ZNF469: variants seen among roughly 807,000 people sequenced by gnomAD.
ZNF469 encodes the protein zinc finger protein 469.
In ZNF469, 1 loss-of-function variant was observed where a neutral mutation model predicts 1.0. The ratio of observed to expected loss-of-function variants is 1.00; its 90% CI spans 0.35 to 4.73. The LOEUF (loss-of-function observed/expected upper bound fraction) is 4.73. Among genes scored for constraint, ZNF469 ranks in the 30% most tolerant of loss-of-function variants. ZNF469 has a pLI of 0.16. For missense variants in ZNF469, 6,100 were observed against 5,356.3 expected (o/e 1.14, Z -4.33); for synonymous variants, 2,703 against 2,363.4 (o/e 1.14, Z -4.17).
chr16:88,389,146 C>A (rs1904415104), intron 1 of ZNF469, among the ~76,000 whole-genome samples: 1 of 152,202 alleles, frequency 6.6e-6, no homozygotes, highest in African/African-American at 2.4e-5. Flanking sequence ...CCAAAAAAAA[C>A]CCTGTGCCCA....
the ZNF469 span, among the ~76,000 whole-genome samples, chr16:88,127,107 G>A: frequency 6.6e-6 from 1 of 152,174 alleles, no homozygotes; most frequent in Non-Finnish European, 1.5e-5. Flanking sequence ...ACAGGTGTGA[G>A]CCACCACGCC....
the ZNF469 span, among the ~76,000 whole-genome samples, chr16:88,281,385 C>T: frequency 2.1e-5 from 3 of 145,966 alleles, no homozygotes; most frequent in Non-Finnish European, 4.5e-5. Context: ...ATGTAGATAT[C>T]AGTGCATGGG....
intron 1 of ZNF469, among the ~76,000 whole-genome samples, chr16:88,383,605 G>C (rs991280317): frequency 6.6e-6 from 1 of 150,440 alleles, no homozygotes; most frequent in African/African-American, 2.4e-5. Flanking sequence ...CGAGGGGCTC[G>C]GGGAGCGGGA....
At chr16:88,372,602 C>T in the ZNF469 span, among the ~76,000 whole-genome samples, 2 of 151,634 alleles carry the variant, frequency 1.3e-5, no homozygotes, top group East Asian at 1.9e-4. Flanking sequence ...TCATTACCAC[C>T]GTCATCATGA....
chr16:88,220,691 T>G, the ZNF469 span, among the ~76,000 whole-genome samples: 1 of 152,106 alleles, frequency 6.6e-6, no homozygotes, highest in African/African-American at 2.4e-5. Context: ...CATGTCACTT[T>G]AAGTAGCAGA....
the ZNF469 span, among the ~76,000 whole-genome samples, chr16:88,293,991 G>C: frequency 6.6e-6 from 1 of 152,254 alleles, no homozygotes; most frequent in Non-Finnish European, 1.5e-5. Context: ...ATAAGCATCT[G>C]TGTGCTCTCT....
At chr16:88,384,369 C>T (rs1266355518) in intron 1 of ZNF469, among the ~76,000 whole-genome samples, 2 of 152,238 alleles carry the variant, frequency 1.3e-5, no homozygotes, top group African/African-American at 2.4e-5. Flanking sequence ...GCCCCCAGCA[C>T]AGCCCACAGC....
At chr16:88,318,246 G>C in the ZNF469 span, among the ~76,000 whole-genome samples, 4 of 152,346 alleles carry the variant, frequency 2.6e-5, no homozygotes, top group African/African-American at 9.6e-5. Flanking sequence ...GGCTGTGGCT[G>C]TGGGTATACC....
chr16:88,430,670 G>A lies in ZNF469; in HGVS notation c.3200G>A (p.Arg1067Gln). 2 of 1,494,704 alleles carry A rather than the reference G, an allele frequency of 1.3e-6. No individual in the cohort carries two copies. Among genetic ancestry groups the A allele is most frequent in the Admixed American group, 2.2e-5 (1 of 45,930 alleles). 92.6% of individuals were successfully genotyped at this position (1,494,704 alleles called of 1,614,324 possible). A position where few individuals can be genotyped will look rare whatever the true frequency, so the allele number is the denominator to read the frequency against. Residue 1067 changes from arginine (R) to glutamine (Q), a missense_variant, in exon 3 of 3, where the codon CGG becomes CAG. Arg to Gln is a conservative substitution (Grantham distance 43). Transcript: ENST00000565624. ...QKNRRHRRLG[R>Q]RAGRCGSLAA... ...AACAGGCGCCACCGGCGGCTGGGGCGGCGGGCGGGCAGGTGCGGCTCCCTG... is the reference window on the plus strand; with the variant it reads ...AACAGGCGCCACCGGCGGCTGGGGCAGCGGGCGGGCAGGTGCGGCTCCCTG...
the ZNF469 span, among the ~76,000 whole-genome samples, chr16:88,162,758 T>C: frequency 6.6e-6 from 1 of 152,010 alleles, no homozygotes; most frequent in South Asian, 2.1e-4. Flanking sequence ...ATTTGTGGAA[T>C]GATTATTTTG....
At chr16:88,194,452 A>G in the ZNF469 span, 1 of 152,284 alleles carries the variant, frequency 6.6e-6, no homozygotes, top group Non-Finnish European at 1.5e-5. Flanking sequence ...GCGTCCGCTA[A>G]GTGGTGTCGT....
chr16:88,120,563 G>A, the ZNF469 span, among the ~76,000 whole-genome samples: 1 of 152,236 alleles, frequency 6.6e-6, no homozygotes, highest in Non-Finnish European at 1.5e-5. Flanking sequence ...CGCAGCGTGA[G>A]CTCCACGGCC....
chr16:88,247,818 TGAATGAG>T, the ZNF469 span, among the ~76,000 whole-genome samples: 1 of 148,674 alleles, frequency 6.7e-6, no homozygotes, highest in African/African-American at 2.6e-5. Context: ...AGTGAGTGAG[TGAATGAG>T]TGAGTGAGTG....
the ZNF469 span, among the ~76,000 whole-genome samples, chr16:88,264,926 C>T: frequency 6.6e-6 from 1 of 152,172 alleles, no homozygotes; most frequent in African/African-American, 2.4e-5. Context: ...CATGTCCTTC[C>T]TGTCCTCATC....
the ZNF469 span, among the ~76,000 whole-genome samples, chr16:88,244,471 G>T: frequency 4.0e-5 from 6 of 151,150 alleles, no homozygotes; most frequent in African/African-American, 1.5e-4. Flanking sequence ...AAGGATGGGT[G>T]GGTGGATACA....
chr16:88,183,436 C>T, the ZNF469 span, among the ~76,000 whole-genome samples: 1 of 152,258 alleles, frequency 6.6e-6, no homozygotes, highest in African/African-American at 2.4e-5. Context: ...ACCTGTCCCA[C>T]AACCTACAGC....
chr16:88,211,790 G>A, the ZNF469 span, among the ~76,000 whole-genome samples: 1 of 152,128 alleles, frequency 6.6e-6, no homozygotes, highest in Non-Finnish European at 1.5e-5. Context: ...CGGTATGCTT[G>A]TGAGTTTCCT....
chr16:88,299,604 G>T, the ZNF469 span, among the ~76,000 whole-genome samples: 7 of 152,302 alleles, frequency 4.6e-5, no homozygotes, highest in East Asian at 1.4e-3. Flanking sequence ...TGCGGTGTGG[G>T]CGGTGGCAGT....
At position 88,438,278 on chromosome 16, in the gene ZNF469, G is replaced by C. The variant is rs537930010; in HGVS notation, c.10808G>C (p.Arg3603Pro). The change falls in exon 3 of 3, where the codon CGG (arginine) becomes CCG (proline). Residue 3603 changes from arginine to proline, a missense_variant. Transcript: ENST00000565624. ...QALPLGASLP[R>P]PGARGQDAEG... Reference sequence around the variant, plus strand: ...CTCCCTCTGGGGGCATCTCTGCCGCGGCCGGGAGCCAGAGGCCAAGATGCG... The same window carrying C: ...CTCCCTCTGGGGGCATCTCTGCCGCCGCCGGGAGCCAGAGGCCAAGATGCG... The C allele has an allele frequency of 1.3e-6, 2 of 1,548,286 alleles. No individual in the cohort carries two copies. The highest frequency in any genetic ancestry group is 3.9e-5 in the Admixed American group (2 of 50,970).
Sources: allele counts gnomAD v4.1 joint callset (sites outside exome capture counted in the v4.1 genomes callset), GRCh38; gene constraint gnomAD v4.1.1; transcripts MANE v1.5; gene names NCBI Gene and HGNC (gene_info 2026-07-23, HGNC 2026-07-21).